DMD: variants seen among roughly 807,000 people sequenced by gnomAD.
DMD encodes the protein mutant dystrophin.
A neutral mutation model predicts 330.1 loss-of-function variants in DMD; 63 were observed. The ratio of observed to expected loss-of-function variants is 0.19; its 90% confidence interval spans 0.16 to 0.24. The LOEUF (loss-of-function observed/expected upper bound fraction) is 0.24. Among genes scored for constraint, DMD ranks in the 10% least tolerant of loss-of-function variants. The pLI, the probability that DMD is intolerant of heterozygous loss-of-function variation, is 1.00. For missense variants in DMD, 3,344 were observed against 2,684.1 expected, an observed-to-expected ratio of 1.25 and a Z score of -5.43; for synonymous variants, 1,223 against 959.8, an observed-to-expected ratio of 1.27 and a Z score of -5.07.
chrX:32,522,714 C>A (rs1348744054), intron 17 of DMD, among the ~76,000 whole-genome samples: 1 of 112,074 alleles, frequency 8.9e-6, no homozygotes, highest in East Asian at 2.8e-4. Flanking sequence ...ACAAATTTCG[C>A]TTCATATTTT....
intron 60 of DMD, among the ~76,000 whole-genome samples, chrX:31,441,870 A>G (rs2064980999): frequency 8.9e-6 from 1 of 112,203 alleles, no homozygotes; most frequent in African/African-American, 3.2e-5. Context: ...CAGAATTACT[A>G]TCAAAGAAAA....
At chrX:31,644,743 A>G (rs2079981359) in intron 54 of DMD, among the ~76,000 whole-genome samples, 3 of 111,988 alleles carry the variant, frequency 2.7e-5, no homozygotes, top group African/African-American at 9.7e-5. Context: ...TTGACTTTCA[A>G]TTCTGGTTCT....
Position 32,362,899 on chromosome X carries a change from T to C in DMD, c.5214A>G (p.Ala1738=). ...RPKVDSTRDQ[A]ANLMANRGDH... ...CACCGCGGTTTGCCATCAAGTTTGC[T>C]GCTTGGTCACGTGTAGAGTCCACCT... is the stretch of plus-strand genomic sequence containing the variant. Residue 1738 remains alanine (A), a synonymous_variant, in exon 37 of 79, where the codon GCA becomes GCG. Transcript: ENST00000357033. 1.7e-6 allele frequency: 2 copies of C among 1,211,485 alleles called. No homozygotes were observed. The highest frequency in any genetic ancestry group is 1.1e-6 in the Non-Finnish European group (1 of 895,372).
intron 1 of DMD, among the ~76,000 whole-genome samples, chrX:33,072,750 C>T (rs946636499): frequency 3.6e-5 from 4 of 111,210 alleles, no homozygotes; most frequent in African/African-American, 1.3e-4. Flanking sequence ...GGAGATGATA[C>T]CTTTTCTCAA....
intron 43 of DMD, among the ~76,000 whole-genome samples, chrX:32,263,687 T>G (rs1479015485): frequency 9.0e-6 from 1 of 111,695 alleles, no homozygotes; most frequent in Non-Finnish European, 1.9e-5. Context: ...GAAACACATA[T>G]GCTAGCTCTG....
intron 41 of DMD, among the ~76,000 whole-genome samples, chrX:32,316,168 A>G (rs2097581779): frequency 9.0e-6 from 1 of 111,673 alleles, no homozygotes; most frequent in African/African-American, 3.2e-5. Flanking sequence ...ATGCTCAGCC[A>G]TGGCATGAAC....
chrX:32,926,935 G>T (rs2089083480), intron 2 of DMD, among the ~76,000 whole-genome samples: 1 of 110,580 alleles, frequency 9.0e-6, no homozygotes, highest in Non-Finnish European at 1.9e-5. Context: ...AAATAAAATG[G>T]ATTTGATCAT....
At chrX:33,167,500 T>A (rs5972766) in intron 1 of DMD, among the ~76,000 whole-genome samples, 19,867 of 110,451 alleles carry the variant, frequency 0.18, 1,708 homozygotes, top group East Asian at 0.45. Context: ...TTCTAATGTA[T>A]CCTTCACCCA....
At chrX:32,383,895 A>T (rs1051912494) in intron 33 of DMD, among the ~76,000 whole-genome samples, 8 of 109,413 alleles carry the variant, frequency 7.3e-5, no homozygotes, top group African/African-American at 2.6e-4. Context: ...TTACTCTTGC[A>T]ATGATTTCGT....
chrX:31,619,302 G>A (rs1306563043), intron 55 of DMD, among the ~76,000 whole-genome samples: 3 of 111,042 alleles, frequency 2.7e-5, no homozygotes, highest in Non-Finnish European at 5.7e-5. Flanking sequence ...GGAAATAATA[G>A]GAGTACCAAC....
chrX:33,140,990 GATA>G (rs1195151754), intron 1 of DMD, among the ~76,000 whole-genome samples: 1 of 111,598 alleles, frequency 9.0e-6, no homozygotes, highest in Non-Finnish European at 1.9e-5. Context: ...TTTTCCCCTA[GATA>G]ATAATTGTTA....
intron 1 of DMD, among the ~76,000 whole-genome samples, chrX:33,279,228 C>T (rs1016654957): frequency 8.9e-6 from 1 of 111,840 alleles, no homozygotes; most frequent in African/African-American, 3.3e-5. Flanking sequence ...ATTCTTGGAC[C>T]ACAGTGGAAT....
chrX:31,695,651 TAA>T (rs999204825), intron 52 of DMD, among the ~76,000 whole-genome samples: 30 of 111,349 alleles, frequency 2.7e-4, no homozygotes, highest in African/African-American at 9.8e-4. Flanking sequence ...GACATTAGGT[TAA>T]GTGAAATAAA....
intron 44 of DMD, among the ~76,000 whole-genome samples, chrX:32,003,573 T>C (rs1217939540): frequency 9.0e-6 from 1 of 111,566 alleles, no homozygotes. Context: ...AAAGATAGAA[T>C]TTGGGATTAC....
intron 22 of DMD, 55 bp downstream of exon 22, chrX:32,472,109 A>T (rs2040699660): frequency 1.7e-6 from 2 of 1,169,513 alleles, no homozygotes; most frequent in Admixed American, 4.4e-5. Flanking sequence ...GGTTATATCA[A>T]TGTGAATGCT....
intron 44 of DMD, among the ~76,000 whole-genome samples, chrX:32,101,355 G>T (rs1302099666): frequency 1.8e-5 from 2 of 111,021 alleles, no homozygotes; most frequent in Non-Finnish European, 3.8e-5. Flanking sequence ...CTCAATTTAG[G>T]ATTACTACGA....
intron 76 of DMD, among the ~76,000 whole-genome samples, chrX:31,137,509 AT>A (rs1049718027): frequency 9.0e-6 from 1 of 111,686 alleles, no homozygotes; most frequent in Non-Finnish European, 1.9e-5. Flanking sequence ...GATTTTTAAA[AT>A]GCCTTTTAAA....
At chrX:33,301,986 T>C (rs1030701165) in intron 1 of DMD, among the ~76,000 whole-genome samples, 2 of 112,119 alleles carry the variant, frequency 1.8e-5, no homozygotes, top group African/African-American at 6.5e-5. Context: ...AAAAATTTTA[T>C]TTTAATATTC....
chrX:31,929,545 A>G, intron 47 of DMD, 51 bp downstream of exon 47: 2 of 1,194,298 alleles, frequency 1.7e-6, no homozygotes, highest in Non-Finnish European at 2.3e-6. Flanking sequence ...AATACATACA[A>G]ATACTTGCAA....
Sources: allele counts gnomAD v4.1 joint callset (sites outside exome capture counted in the v4.1 genomes callset), GRCh38; gene constraint gnomAD v4.1.1; transcripts MANE v1.5; gene names NCBI Gene and HGNC (gene_info 2026-07-23, HGNC 2026-07-21).